Variants in KTN1 observed in about 807,000 individuals in gnomAD.
KTN1 encodes kinectin 1.
KTN1 carries 130 observed loss-of-function variants against 222.5 expected under a neutral mutation model. The observed-to-expected ratio is 0.58, with a 90% CI of 0.51 to 0.68. The LOEUF (loss-of-function observed/expected upper bound fraction) is 0.68, where lower values mean the gene tolerates loss of function less well. KTN1 is among the 30% of genes least tolerant of loss of function. The pLI is 0.00. For missense variants in KTN1, 1,508 were observed against 1,500.4 expected (o/e 1.01, Z -0.08); for synonymous variants, 512 against 496.3 (o/e 1.03, Z -0.42).
At chr14:55,590,215 A>C (rs1358956641) in intron 1 of KTN1, among the ~76,000 whole-genome samples, 1 of 152,164 alleles carries the variant, frequency 6.6e-6, no homozygotes, top group African/African-American at 2.4e-5. Flanking sequence ...ATTTACATTT[A>C]TCTCTTCCTA....
chr14:55,655,922 T>C (rs916185289), intron 28 of KTN1, 120 bp from the exon 29 acceptor site: 16 of 544,702 alleles, frequency 2.9e-5, no homozygotes, highest in Admixed American at 1.4e-4. Context: ...TGGTATAATA[T>C]GGGGGAAAAA....
At chr14:55,655,175 C>G (rs1947190843) in intron 28 of KTN1, among the ~76,000 whole-genome samples, 1 of 151,884 alleles carries the variant, frequency 6.6e-6, no homozygotes, top group Non-Finnish European at 1.5e-5. Context: ...AACAGAGTCT[C>G]CCTGTGTTGC....
rs139696630 is a variant in KTN1 at position 55,616,526 on chromosome 14, A to T, written c.533A>T (p.Asp178Val). The T allele has an allele frequency of 7.8e-4, 1,242 of 1,582,890 alleles. 3 individuals are homozygous for T. Among genetic ancestry groups the T allele is most frequent in the Non-Finnish European group, 9.9e-4 (1,156 of 1,172,042 alleles). The change falls in exon 3 of 44, where the codon GAT becomes GTT. Residue 178 changes from aspartate to valine, a missense_variant. Coordinates refer to ENST00000395314, the MANE Select transcript of KTN1 (RefSeq NM_001079521.2). ...KKSKNGSDDQ[D>V]KKVETLMVPS... ...TTTGTGTTTAATAAAGATGACCAGG[A>T]TAAAAAGGTGGAAACTCTCATGGTA...
chr14:55,652,524 G>A (rs1054678600), intron 25 of KTN1, among the ~76,000 whole-genome samples: 4 of 148,054 alleles, frequency 2.7e-5, no homozygotes, highest in Non-Finnish European at 4.4e-5. Flanking sequence ...TCAGCCTCCC[G>A]AGTAGCTGGG....
intron 41 of KTN1, 80 bp downstream of exon 41, chr14:55,675,998 T>A: frequency 1.1e-6 from 1 of 900,252 alleles, no homozygotes; most frequent in Non-Finnish European, 1.7e-6. Flanking sequence ...ATGCTGCTAA[T>A]TCTGGATTTG....
intron 14 of KTN1, 46 bp from the exon 15 acceptor site, chr14:55,640,328 A>G (rs1246120151): frequency 2.4e-6 from 3 of 1,276,516 alleles, no homozygotes; most frequent in Non-Finnish European, 3.3e-6. Context: ...CAAACTTTAA[A>G]ATCAGTTGTA....
In KTN1 at chr14:55,604,263, A is replaced by T. The variant is rs1487143729; in HGVS notation, c.-30-7756A>T. 2.0e-5 allele frequency among the ~76,000 whole-genome samples: 3 copies of T among 152,104 alleles called. No individual in the cohort carries two copies. In the East Asian group the frequency reaches 5.8e-4, roughly 29 times the overall value. On this transcript the variant is annotated intron_variant, in intron 1 of 43. Coordinates refer to ENST00000395314, the MANE Select transcript of KTN1 (RefSeq NM_001079521.2). ...TATATAGCAGGTATGTTACTGTCTC[A>T]TGATCTTTGTGCTTGCTCTTCCCTC...
chr14:55,672,924 G>T lies in KTN1; in HGVS notation c.3604-5G>T. 2 of 1,610,316 alleles carry T rather than the reference G, an allele frequency of 1.2e-6. No homozygotes were observed. The highest frequency in any genetic ancestry group is 1.7e-6 in the Non-Finnish European group (2 of 1,176,930). ...GTGTTAACTTTTCCTTTGTTGCATT[G>T]CTAGCTGAGAAGAGAACGAGAACAT... On this transcript the variant is annotated splice_region_variant and splice_polypyrimidine_tract_variant and intron_variant, in intron 38 of 43. Coordinates refer to ENST00000395314, the MANE Select transcript of KTN1 (RefSeq NM_001079521.2).
rs1456505684 is a variant in KTN1 at position 55,612,346 on chromosome 14, G to T, written c.298G>T (p.Val100Phe). The T allele has an allele frequency of 6.2e-7, 1 of 1,614,072 alleles. No individual in the cohort carries two copies. The highest frequency in any genetic ancestry group is 1.3e-5 in the African/African-American group (1 of 75,040). ...AGTAGAAGATGATCAAGTTGCACCT[G>T]TTCCATTGAATGTCGTTGAAACTTC... is the stretch of plus-strand genomic sequence containing the variant. ...LAVEDDQVAPVPLNVVETSSS... is the reference protein window; with the variant it reads ...LAVEDDQVAPFPLNVVETSSS... The change falls in exon 2 of 44, where the codon GTT becomes TTT. Residue 100 changes from valine (V) to phenylalanine (F), a missense_variant. Val to Phe is a conservative substitution (Grantham distance 50). Coordinates refer to ENST00000395314, the MANE Select transcript of KTN1 (RefSeq NM_001079521.2).
chr14:55,660,040 T>C (rs992549364), intron 31 of KTN1, among the ~76,000 whole-genome samples: 1 of 152,192 alleles, frequency 6.6e-6, no homozygotes, highest in African/African-American at 2.4e-5. Flanking sequence ...CTTCTAGATG[T>C]GATTGTGTAA....
At chr14:55,589,536 C>T (rs1020848481) in intron 1 of KTN1, among the ~76,000 whole-genome samples, 2 of 152,000 alleles carry the variant, frequency 1.3e-5, no homozygotes, top group Non-Finnish European at 2.9e-5. Flanking sequence ...TCTCGAACTC[C>T]TGAAATCAAG....
intron 2 of KTN1, 95 bp downstream of exon 2, chr14:55,612,666 T>C (rs1490277197): frequency 1.0e-6 from 1 of 995,070 alleles, no homozygotes; most frequent in Admixed American, 3.3e-5. Flanking sequence ...ATGTTTAATA[T>C]TGAATTTGAA....
At position 55,612,395 on chromosome 14, in the gene KTN1, A is replaced by G; in HGVS notation, c.347A>G (p.Lys116Arg). Residue 116 changes from lysine to arginine, a missense_variant, in exon 2 of 44, where the codon AAG becomes AGG. Lys to Arg is a conservative substitution (Grantham distance 26). Transcript: ENST00000395314. ...ETSSSVRERKKKEKKQKPVLE... is the reference protein window; with the variant it reads ...ETSSSVRERKRKEKKQKPVLE... ...TCAAGTAGTGTTAGGGAAAGAAAAAAGAAGGAAAAGAAACAAAAGCCTGTG... is the reference window on the plus strand; with the variant it reads ...TCAAGTAGTGTTAGGGAAAGAAAAAGGAAGGAAAAGAAACAAAAGCCTGTG... 4.3e-6 allele frequency: 7 copies of G among 1,613,986 alleles called. No individual in the cohort carries two copies. Among genetic ancestry groups the G allele is most frequent in the Non-Finnish European group, 3.4e-6 (4 of 1,179,974 alleles).
At chr14:55,666,428 T>C (rs2141267768) in intron 33 of KTN1, among the ~76,000 whole-genome samples, 1 of 152,044 alleles carries the variant, frequency 6.6e-6, no homozygotes, top group South Asian at 2.1e-4. Flanking sequence ...GTCTTTTTTT[T>C]CAAGTCTTGT....
At chr14:55,609,577 T>C (rs554898736) in intron 1 of KTN1, among the ~76,000 whole-genome samples, 15 of 152,320 alleles carry the variant, frequency 9.8e-5, no homozygotes, top group African/African-American at 3.4e-4. Flanking sequence ...TCAGAATTCT[T>C]GTGGTCTCAT....
Position 55,641,157 on chromosome 14 carries a change from G to A in KTN1, c.2052G>A (p.Leu684=), listed in dbSNP as rs2041760268. 1.3e-6 allele frequency: 2 copies of A among 1,596,676 alleles called. No individual in the cohort carries two copies. The highest frequency in any genetic ancestry group is 1.7e-6 in the Non-Finnish European group (2 of 1,171,684). Residue 684 remains leucine, a synonymous_variant, in exon 17 of 44, where the codon TTG becomes TTA. Transcript: ENST00000395314. The part of the protein sequence containing the change: ...SVYVKDDKIR[L]LEEQLQHEIS... ...ATGTTAAAGATGATAAAATAAGATT[G>A]CTGGAAGAGCAACTACAACATGAAA...
Position 55,636,510 on chromosome 14 carries a change from C to G in KTN1, c.1523C>G (p.Thr508Arg). 1 of 1,610,412 alleles carries G rather than the reference C, an allele frequency of 6.2e-7. No homozygotes were observed. Among genetic ancestry groups the G allele is most frequent in the Non-Finnish European group, 8.5e-7 (1 of 1,178,062 alleles). Residue 508 changes from threonine (T) to arginine (R), a missense_variant, in exon 10 of 44, where the codon ACA becomes AGA. Physicochemically the swap from Thr to Arg is moderately conservative, Grantham distance 71 (BLOSUM62 -1). Transcript: ENST00000395314. Reference protein sequence around the residue: ...EEVQSYIRKRTAEHEAAQQDL... With the variant: ...EEVQSYIRKRRAEHEAAQQDL... ...GTTCAGAGCTACATCAGGAAGAGAA[C>G]AGCGGAACATGAGGCAGCACAGCAA...
intron 2 of KTN1, among the ~76,000 whole-genome samples, chr14:55,616,076 T>A (rs1328226572): frequency 6.7e-6 from 1 of 149,770 alleles, no homozygotes; most frequent in African/African-American, 2.4e-5. Context: ...CACACCTGGC[T>A]AATTTTTTTT....
At chr14:55,645,726 A>G (rs2042219245) in intron 18 of KTN1, among the ~76,000 whole-genome samples, 1 of 152,162 alleles carries the variant, frequency 6.6e-6, no homozygotes, top group African/African-American at 2.4e-5. Context: ...TGTGCCTCCT[A>G]CAAAACAATT....
Sources: allele counts gnomAD v4.1 joint callset (sites outside exome capture counted in the v4.1 genomes callset), GRCh38; gene constraint gnomAD v4.1.1; transcripts MANE v1.5; gene names NCBI Gene and HGNC (gene_info 2026-07-23, HGNC 2026-07-21).